The following PPID variants were observed in gnomAD, a reference collection of about 807,000 sequenced individuals.
PPID encodes peptidyl-prolyl cis-trans isomerase D.
A neutral mutation model predicts 48.1 loss-of-function variants in PPID; 47 were observed. The ratio of observed to expected loss-of-function variants is 0.98; its 90% CI spans 0.77 to 1.25. The LOEUF (loss-of-function observed/expected upper bound fraction) is 1.25. PPID is among the 50% of genes most tolerant of loss of function. The pLI is 0.00. For missense variants in PPID, 429 were observed against 443.5 expected (o/e 0.97, Z 0.29); for synonymous variants, 163 against 148.8 (o/e 1.10, Z -0.69).
At position 158,715,562 on chromosome 4, in the gene PPID, A is replaced by G; in HGVS notation, c.645T>C (p.Asp215=). The change falls in exon 5 of 10, where the codon GAT becomes GAC. Residue 215 remains aspartate (D), a splice_region_variant and synonymous_variant. Transcript: ENST00000307720. ...FPEDADIDLK[D]VDKILLITED... is the part of the protein sequence containing the mutation. ...GTTTGACTAATCTGAAAGTACTCACATCTTTTAAATCTATATCCGCATCCT... is the reference window on the plus strand; with the variant it reads ...GTTTGACTAATCTGAAAGTACTCACGTCTTTTAAATCTATATCCGCATCCT... 9 of 1,613,848 alleles carry G rather than the reference A, an allele frequency of 5.6e-6. No homozygotes were observed. Among genetic ancestry groups the G allele is most frequent in the Non-Finnish European group, 7.6e-6 (9 of 1,179,766 alleles).
intron 8 of PPID, 22 bp from the exon 9 acceptor site, chr4:158,710,692 T>G (rs1218206542): frequency 5.0e-6 from 8 of 1,612,606 alleles, no homozygotes; most frequent in Non-Finnish European, 6.8e-6. Flanking sequence ...AAAAAACATT[T>G]AAGTTAGGTG....
intron 2 of PPID, among the ~76,000 whole-genome samples, chr4:158,721,087 A>C (rs1460714121): frequency 6.6e-6 from 1 of 152,168 alleles, no homozygotes; most frequent in African/African-American, 2.4e-5. Flanking sequence ...TTTCTCAATC[A>C]AATCATCTTA....
At position 158,719,355 on chromosome 4, in the gene PPID, A is replaced by G. The variant is rs755132022; in HGVS notation, c.227-69T>C. ...CCTTTAGCAATGCTTACTAATGGAT[A>G]CGTACGTAAGACAACTTTGTAGTGC... is the stretch of plus-strand genomic sequence containing the variant. On this transcript the variant is annotated intron_variant, in intron 2 of 9. Transcript: ENST00000307720. The G allele has an allele frequency of 2.5e-5, 25 of 1,015,968 alleles. No individual in the cohort carries two copies. In the Middle Eastern group the frequency reaches 8.1e-4, roughly 33 times the overall value. 62.9% of individuals were successfully genotyped at this position (1,015,968 alleles called of 1,614,324 possible). A position where few individuals can be genotyped will look rare whatever the true frequency, so the allele number is the denominator to read the frequency against.
chr4:158,711,291 T>C (rs962075900), intron 7 of PPID, among the ~76,000 whole-genome samples: 1 of 152,094 alleles, frequency 6.6e-6, no homozygotes, highest in Admixed American at 6.5e-5. Flanking sequence ...AGTGGCCTGA[T>C]CACAGCTCAC....
Position 158,721,447 on chromosome 4 carries a change from A to G in PPID, c.122T>C (p.Val41Ala). Residue 41 changes from valine to alanine, a missense_variant, in exon 2 of 10, where the codon GTA becomes GCA. Val to Ala is a moderately conservative substitution (Grantham distance 64, BLOSUM62 0). Coordinates refer to ENST00000307720, the MANE Select transcript of PPID (RefSeq NM_005038.3). ...RIVLELFADI[V>A]PKTAENFRAL... ...ACGAAAATTTTCCGCAGTTTTGGGT[A>G]CGATATCTGCAAACAATTCTAAGAC... 1.2e-6 allele frequency: 2 copies of G among 1,614,150 alleles called. No individual in the cohort carries two copies. Among genetic ancestry groups the G allele is most frequent in the South Asian group, 2.2e-5 (2 of 91,082 alleles).
rs564639894 is a variant in PPID at position 158,720,682 on chromosome 4, G to A, written c.226+661C>T. ...ATCTGCTGCCTTCCCAAGCACTCAGGCCCAAAAATTATGCATTTTTTTGTT... is the reference window on the plus strand; with the variant it reads ...ATCTGCTGCCTTCCCAAGCACTCAGACCCAAAAATTATGCATTTTTTTGTT... On this transcript the variant is annotated intron_variant, in intron 2 of 9. Transcript: ENST00000307720. 5.1e-4 allele frequency among the ~76,000 whole-genome samples: 77 copies of A among 149,826 alleles called. 3 individuals are homozygous for A. In the South Asian group the frequency reaches 0.011, roughly 21 times the overall value.
chr4:158,711,886 G>A (rs1466348739), intron 7 of PPID, among the ~76,000 whole-genome samples: 6 of 152,098 alleles, frequency 3.9e-5, no homozygotes, highest in African/African-American at 1.2e-4. Flanking sequence ...AGGATCACCC[G>A]AGCCCAGGAG....
At chr4:158,720,700 TTTTTG>T (rs1774942979) in intron 2 of PPID, among the ~76,000 whole-genome samples, 1 of 25,426 alleles carries the variant, frequency 3.9e-5, no homozygotes, top group Non-Finnish European at 9.6e-5. Flanking sequence ...ATTATGCATT[TTTTTG>T]TTTGTTTGTT....
chr4:158,722,864 G>T (rs1222892597), intron 1 of PPID, among the ~76,000 whole-genome samples: 1 of 152,164 alleles, frequency 6.6e-6, no homozygotes, highest in Admixed American at 6.5e-5. Context: ...TATGCTTTCC[G>T]AACTGTCCCA....
chr4:158,722,505 C>T (rs1294968967), intron 1 of PPID, among the ~76,000 whole-genome samples: 4 of 152,206 alleles, frequency 2.6e-5, no homozygotes, highest in Admixed American at 6.5e-5. Flanking sequence ...GTGTGTGTGT[C>T]CTGTACATGC....
intron 2 of PPID, 103 bp downstream of exon 2, chr4:158,721,240 A>T: frequency 7.3e-7 from 1 of 1,365,508 alleles, no homozygotes; most frequent in South Asian, 1.3e-5. Context: ...CGCTAATAGT[A>T]CTTTTTAAGC....
intron 7 of PPID, 72 bp downstream of exon 7, chr4:158,713,047 A>T (rs1774814701): frequency 6.7e-7 from 1 of 1,485,980 alleles, no homozygotes; most frequent in Non-Finnish European, 9.4e-7. Flanking sequence ...ATTAATGTAT[A>T]TAAAAGTTGC....
intron 6 of PPID, 83 bp from the exon 7 acceptor site, chr4:158,713,343 T>C: frequency 2.4e-6 from 3 of 1,246,074 alleles, no homozygotes; most frequent in Non-Finnish European, 3.2e-6. Context: ...TGTTATGTCA[T>C]TTCTGATATA....
Position 158,722,167 on chromosome 4 carries a change from A to C in PPID, c.86-684T>G, listed in dbSNP as rs542613953. ...TAAACAGATTTGAAACATTACACTA[A>C]GGATCATAACCAATTATAGTAGCCA... On this transcript the variant is annotated intron_variant, in intron 1 of 9. Coordinates refer to ENST00000307720, the MANE Select transcript of PPID (RefSeq NM_005038.3). 1.3e-4 allele frequency among the ~76,000 whole-genome samples: 20 copies of C among 152,354 alleles called. No individual in the cohort carries two copies. In the South Asian group the frequency reaches 4.1e-3, roughly 32 times the overall value.
Position 158,709,792 on chromosome 4 carries a change from T to G in PPID, c.1057A>C (p.Lys353Gln), listed in dbSNP as rs748030399. ...IQAELLKVKQ[K>Q]IKAQKDKEKA... Reference sequence around the variant, plus strand: ...TCTTTATCTTTCTGTGCCTTTATCTTTTGTTTGACTTTCAGCAATTCTGCC... The same window carrying G: ...TCTTTATCTTTCTGTGCCTTTATCTGTTGTTTGACTTTCAGCAATTCTGCC... Residue 353 changes from lysine to glutamine, a missense_variant, in exon 10 of 10, where the codon AAG becomes CAG. Lys to Gln is a moderately conservative substitution (Grantham distance 53). Transcript: ENST00000307720. The G allele has an allele frequency of 4.3e-6, 7 of 1,611,878 alleles. No individual in the cohort carries two copies. In the East Asian group the frequency reaches 1.6e-4, roughly 36 times the overall value.
chr4:158,710,898 T>C (rs1193863046), intron 7 of PPID, 50 bp from the exon 8 acceptor site: 2 of 1,492,330 alleles, frequency 1.3e-6, no homozygotes, highest in African/African-American at 1.4e-5. Flanking sequence ...TAAGCTTATA[T>C]GCCAGATTTC....
Position 158,710,746 on chromosome 4 carries a change from T to C in PPID, c.981+16A>G. On this transcript the variant is annotated intron_variant, in intron 8 of 9. Coordinates refer to ENST00000307720, the MANE Select transcript of PPID (RefSeq NM_005038.3). Reference sequence around the variant, plus strand: ...TTGTCTATTTTAAAAAATTAAACATTTGGAACAAAATTTACCAATGCTTGA... The same window carrying C: ...TTGTCTATTTTAAAAAATTAAACATCTGGAACAAAATTTACCAATGCTTGA... 6.2e-7 allele frequency: 1 copy of C among 1,612,216 alleles called. No homozygotes were observed. Among genetic ancestry groups the C allele is most frequent in the Non-Finnish European group, 8.5e-7 (1 of 1,178,626 alleles).
intron 3 of PPID, among the ~76,000 whole-genome samples, chr4:158,717,482 G>A (rs1418819052): frequency 1.3e-5 from 2 of 152,118 alleles, no homozygotes; most frequent in East Asian, 3.9e-4. Context: ...TAGTCGGGGG[G>A]AGGGTTATTT....
At chr4:158,709,923 T>C in intron 9 of PPID, 99 bp from the exon 10 acceptor site, 1 of 916,294 alleles carries the variant, frequency 1.1e-6, no homozygotes. Context: ...TTGAAAAAAC[T>C]TCTCTACAAA....
Sources: allele counts gnomAD v4.1 joint callset (sites outside exome capture counted in the v4.1 genomes callset), GRCh38; gene constraint gnomAD v4.1.1; transcripts MANE v1.5; gene names NCBI Gene and HGNC (gene_info 2026-07-23, HGNC 2026-07-21).